GPC6: variants seen among roughly 807,000 people sequenced by gnomAD.
The protein encoded by GPC6 is glypican 6.
GPC6 carries 14 observed loss-of-function variants against 55.2 expected under a neutral mutation model. The observed-to-expected ratio is 0.25, with a 90% CI of 0.17 to 0.40. GPC6 has a LOEUF of 0.40. Among genes scored for constraint, GPC6 ranks in the 10% least tolerant of loss-of-function variants. The pLI, the probability that GPC6 is intolerant of heterozygous loss-of-function variation, is 1.00. For missense variants in GPC6, 641 were observed against 708.5 expected (o/e 0.90, Z 1.08); for synonymous variants, 278 against 259.6 (o/e 1.07, Z -0.68).
At chr13:93,321,571 A>T (rs922040370) in intron 1 of GPC6, among the ~76,000 whole-genome samples, 2 of 152,232 alleles carry the variant, frequency 1.3e-5, no homozygotes, top group African/African-American at 2.4e-5. Context: ...AGCAATAACA[A>T]TAGAATCAGA....
At chr13:93,708,449 A>G (rs1882932681) in intron 2 of GPC6, among the ~76,000 whole-genome samples, 1 of 151,786 alleles carries the variant, frequency 6.6e-6, no homozygotes, top group South Asian at 2.1e-4. Context: ...TGCTCAGTTT[A>G]TTAAATTTTC....
chr13:93,360,702 G>A (rs1881014173), intron 1 of GPC6, among the ~76,000 whole-genome samples: 1 of 152,170 alleles, frequency 6.6e-6, no homozygotes, highest in African/African-American at 2.4e-5. Context: ...TAGAATTGAT[G>A]TATGTTGATG....
At chr13:93,591,421 G>A (rs9589787) in intron 2 of GPC6, among the ~76,000 whole-genome samples, 18,331 of 148,556 alleles carry the variant, frequency 0.12, 2,603 homozygotes, top group African/African-American at 0.35. Flanking sequence ...TCGAGATCGC[G>A]CCACTGCACT....
At chr13:94,068,039 T>C (rs1350112583) in intron 4 of GPC6, among the ~76,000 whole-genome samples, 1 of 152,200 alleles carries the variant, frequency 6.6e-6, no homozygotes, top group African/African-American at 2.4e-5. Flanking sequence ...GGTGCTGTTA[T>C]TTTTTGAAGC....
At chr13:93,971,688 A>G (rs1880288355) in intron 3 of GPC6, among the ~76,000 whole-genome samples, 1 of 152,220 alleles carries the variant, frequency 6.6e-6, no homozygotes, top group South Asian at 2.1e-4. Flanking sequence ...GCAACTCAGA[A>G]GGATAAAACA....
intron 4 of GPC6, among the ~76,000 whole-genome samples, chr13:94,114,024 A>G (rs1886340969): frequency 6.7e-6 from 1 of 149,522 alleles, no homozygotes; most frequent in Non-Finnish European, 1.5e-5. Context: ...CTAAAAAAAA[A>G]AAAAAAAAAA....
At chr13:93,832,629 G>A (rs1315111057) in intron 3 of GPC6, among the ~76,000 whole-genome samples, 2 of 152,066 alleles carry the variant, frequency 1.3e-5, no homozygotes, top group East Asian at 3.9e-4. Context: ...GCTGCTGCTG[G>A]CTATCCCTCC....
At chr13:93,827,873 T>C (rs1887321087) in intron 2 of GPC6, among the ~76,000 whole-genome samples, 1 of 151,032 alleles carries the variant, frequency 6.6e-6, no homozygotes, top group African/African-American at 2.4e-5. Context: ...TTCAGAGTCC[T>C]CATATCAGCA....
Position 93,830,463 on chromosome 13 carries a change from A to T in GPC6, c.629A>T (p.Gln210Leu). The T allele has an allele frequency of 6.2e-7, 1 of 1,613,800 alleles. No individual in the cohort carries two copies. Among genetic ancestry groups the T allele is most frequent in the Non-Finnish European group, 8.5e-7 (1 of 1,179,722 alleles). The change falls in exon 3 of 9, where the codon CAG becomes CTG. Residue 210 changes from glutamine to leucine, a missense_variant. Gln to Leu is a moderately radical substitution (Grantham distance 113, BLOSUM62 -2). Transcript: ENST00000377047. Reference protein sequence around the residue: ...FGDVPRKLKIQVTRAFIAART... With the variant: ...FGDVPRKLKILVTRAFIAART... ...GACGTGCCCCGGAAACTGAAGATTC[A>T]GGTTACCCGCGCCTTCATTGCTGCC... is the stretch of plus-strand genomic sequence containing the variant.
intron 1 of GPC6, among the ~76,000 whole-genome samples, chr13:93,519,080 A>G (rs1457058016): frequency 6.6e-6 from 1 of 152,052 alleles, no homozygotes; most frequent in Non-Finnish European, 1.5e-5. Flanking sequence ...AATAGTTAAA[A>G]ATATTAAAAG....
At chr13:93,814,682 CA>C (rs1438955870) in intron 2 of GPC6, among the ~76,000 whole-genome samples, 5 of 152,142 alleles carry the variant, frequency 3.3e-5, no homozygotes, top group Admixed American at 6.5e-5. Flanking sequence ...TCAAGTGACC[CA>C]TGAACAAAAG....
At chr13:93,482,125 C>T (rs997492602) in intron 1 of GPC6, among the ~76,000 whole-genome samples, 2 of 152,224 alleles carry the variant, frequency 1.3e-5, no homozygotes, top group East Asian at 1.9e-4. Flanking sequence ...TCTTACACTT[C>T]TTTCGTTACA....
intron 1 of GPC6, among the ~76,000 whole-genome samples, chr13:93,429,194 T>A (rs940092102): frequency 3.3e-5 from 5 of 152,122 alleles, no homozygotes; most frequent in African/African-American, 1.2e-4. Flanking sequence ...CTAAAGCTAA[T>A]TCCGCTTACT....
chr13:93,894,220 T>G (rs1875861781), intron 3 of GPC6, among the ~76,000 whole-genome samples: 1 of 152,220 alleles, frequency 6.6e-6, no homozygotes, highest in Admixed American at 6.5e-5. Flanking sequence ...ACATGCTGCT[T>G]AGTCCCAGGA....
intron 4 of GPC6, among the ~76,000 whole-genome samples, chr13:94,195,494 T>G (rs1451351737): frequency 6.6e-6 from 1 of 152,186 alleles, no homozygotes. Context: ...TTTCCTTACA[T>G]AGGAGTCAGC....
intron 4 of GPC6, among the ~76,000 whole-genome samples, chr13:94,110,742 A>G (rs973256021): frequency 6.6e-6 from 1 of 152,232 alleles, no homozygotes; most frequent in African/African-American, 2.4e-5. Flanking sequence ...AACTGATGTT[A>G]TAAAAGATTT....
chr13:93,821,107 C>T (rs1206401080), intron 2 of GPC6, among the ~76,000 whole-genome samples: 1 of 152,074 alleles, frequency 6.6e-6, no homozygotes, highest in Admixed American at 6.5e-5. Context: ...TAAGGATTGG[C>T]AAAATTTTTT....
intron 4 of GPC6, among the ~76,000 whole-genome samples, chr13:94,182,146 C>T (rs1889019160): frequency 1.3e-5 from 2 of 152,046 alleles, no homozygotes; most frequent in Admixed American, 1.3e-4. Flanking sequence ...CCAAAAATAA[C>T]CAGGCAGATT....
At chr13:94,114,085 C>T (rs369063592) in intron 4 of GPC6, among the ~76,000 whole-genome samples, 7 of 86,824 alleles carry the variant, frequency 8.1e-5, no homozygotes, top group African/African-American at 2.3e-4. Flanking sequence ...AGGTTTTTAC[C>T]TTAGCTTTAT....
Sources: allele counts gnomAD v4.1 joint callset (sites outside exome capture counted in the v4.1 genomes callset), GRCh38; gene constraint gnomAD v4.1.1; transcripts MANE v1.5; gene names NCBI Gene and HGNC (gene_info 2026-07-23, HGNC 2026-07-21).